Variants in PRIM2 observed in about 807,000 individuals in gnomAD.
The protein encoded by PRIM2 is DNA primase subunit 2.
Under a neutral mutation model 67.3 loss-of-function variants are expected in PRIM2, and 39 were observed. The ratio of observed to expected loss-of-function variants is 0.58; its 90% CI spans 0.45 to 0.76. The LOEUF is 0.76. PRIM2 is among the 30% of genes least tolerant of loss of function. The probability of loss-of-function intolerance (pLI) is 0.00; values close to 1 mark genes in which losing one functional copy is unlikely to be tolerated. For synonymous variants in PRIM2, 143 were observed against 198.7 expected, an observed-to-expected ratio of 0.72 and a Z score of 2.36; for missense variants, 398 against 598.7, an observed-to-expected ratio of 0.66 and a Z score of 3.50.
intron 7 of PRIM2, among the ~76,000 whole-genome samples, chr6:57,392,123 C>G (rs1770372350): frequency 6.6e-6 from 1 of 151,972 alleles, no homozygotes. Context: ...GTATTTTATT[C>G]TTTTTGTGGC....
At chr6:57,618,615 A>G (rs1165219341) in intron 12 of PRIM2, among the ~76,000 whole-genome samples, 5 of 152,132 alleles carry the variant, frequency 3.3e-5, no homozygotes, top group East Asian at 1.9e-4. Flanking sequence ...CCAGCCCTTC[A>G]GTTTGCATGG....
intron 7 of PRIM2, among the ~76,000 whole-genome samples, chr6:57,435,743 A>G (rs917414682): frequency 2.6e-5 from 4 of 152,214 alleles, no homozygotes; most frequent in Admixed American, 6.5e-5. Context: ...AAAGATAAAC[A>G]TAACCAGACA....
chr6:57,477,624 T>C (rs1349490941), intron 7 of PRIM2, among the ~76,000 whole-genome samples: 1 of 152,216 alleles, frequency 6.6e-6, no homozygotes, highest in African/African-American at 2.4e-5. Flanking sequence ...AGCTAAATAC[T>C]ACTATTGTTA....
intron 13 of PRIM2, among the ~76,000 whole-genome samples, chr6:57,641,571 G>A (rs1353131506): frequency 6.6e-6 from 1 of 152,124 alleles, no homozygotes; most frequent in Non-Finnish European, 1.5e-5. Flanking sequence ...AGTGGGCCTA[G>A]GATATGAACA....
chr6:57,273,747 T>A, the PRIM2 span, among the ~76,000 whole-genome samples: 1 of 152,306 alleles, frequency 6.6e-6, no homozygotes, highest in East Asian at 1.9e-4. Context: ...TTTTTCCCCA[T>A]CTTTTTGGTT....
chr6:57,236,750 C>A, the PRIM2 span, among the ~76,000 whole-genome samples: 1 of 152,060 alleles, frequency 6.6e-6, no homozygotes, highest in East Asian at 1.9e-4. Flanking sequence ...TGAACTCATC[C>A]TTTTTTATGG....
chr6:57,233,498 T>A, the PRIM2 span, among the ~76,000 whole-genome samples: 1 of 152,172 alleles, frequency 6.6e-6, no homozygotes, highest in Non-Finnish European at 1.5e-5. Flanking sequence ...ATGCGTAAAA[T>A]GATCACTAAA....
chr6:57,354,864 T>C (rs1259426312), intron 5 of PRIM2, among the ~76,000 whole-genome samples: 3 of 152,266 alleles, frequency 2.0e-5, no homozygotes, highest in Non-Finnish European at 4.4e-5. Flanking sequence ...TTTATTGAGC[T>C]TATTAGATTC....
At chr6:57,292,272 T>C in the PRIM2 span, among the ~76,000 whole-genome samples, 1 of 152,046 alleles carries the variant, frequency 6.6e-6, no homozygotes. Flanking sequence ...TAAAATATCT[T>C]GGAATACAAC....
chr6:57,373,129 T>C (rs1425085868), intron 5 of PRIM2, among the ~76,000 whole-genome samples: 2 of 152,084 alleles, frequency 1.3e-5, no homozygotes, highest in African/African-American at 4.8e-5. Flanking sequence ...CATCTGTTGT[T>C]TTTTGACTTT....
the PRIM2 span, among the ~76,000 whole-genome samples, chr6:57,273,985 G>C: frequency 0.049 from 7,433 of 152,200 alleles, 384 homozygotes; most frequent in African/African-American, 0.13. Flanking sequence ...CATTCCTTTG[G>C]AAATTTTGTC....
rs1488775259 is a variant in PRIM2 at position 57,474,458 on chromosome 6, G to A, written c.694-32929G>A. Among the ~76,000 whole-genome samples the A allele has an allele frequency of 1.3e-3, 191 of 152,192 alleles. 5 individuals carry two copies. In the East Asian group the frequency reaches 0.016, roughly 13 times the overall value. ...CAAAGTGCTGGGATTACAGGCGTGA[G>A]CCACCGCGCCCAGCTTACTCTGCTA... is the stretch of plus-strand genomic sequence containing the variant. On this transcript the variant is annotated intron_variant, in intron 7 of 13. Transcript: ENST00000615550.
the PRIM2 span, among the ~76,000 whole-genome samples, chr6:57,233,126 A>G: frequency 6.6e-6 from 1 of 152,164 alleles, no homozygotes; most frequent in Non-Finnish European, 1.5e-5. Context: ...CCTAGTTTGC[A>G]TTTATGTTTT....
the PRIM2 span, among the ~76,000 whole-genome samples, chr6:57,307,305 G>C: frequency 6.6e-6 from 1 of 151,146 alleles, no homozygotes; most frequent in African/African-American, 2.4e-5. Context: ...CCAGGCTGGA[G>C]TGCAGTGGCA....
At chr6:57,390,157 G>T (rs2894842) in intron 7 of PRIM2, 1 of 154,680 alleles carries the variant, frequency 6.5e-6, no homozygotes. Flanking sequence ...AAGTAATGTG[G>T]TTTTTTTCTT....
chr6:57,280,938 C>G, the PRIM2 span, among the ~76,000 whole-genome samples: 1 of 152,016 alleles, frequency 6.6e-6, no homozygotes, highest in Admixed American at 6.6e-5. Flanking sequence ...CCCTTTATCT[C>G]TCTCTTCCCC....
At chr6:57,296,114 G>A in the PRIM2 span, among the ~76,000 whole-genome samples, 1 of 152,070 alleles carries the variant, frequency 6.6e-6, no homozygotes, top group Non-Finnish European at 1.5e-5. Context: ...AATAACAACC[G>A]CACTGAAGGG....
At chr6:57,422,592 T>A (rs964859952) in intron 7 of PRIM2, among the ~76,000 whole-genome samples, 5 of 151,378 alleles carry the variant, frequency 3.3e-5, no homozygotes, top group Non-Finnish European at 3.0e-5. Context: ...AAATTTAGAA[T>A]TTTACTTAGA....
chr6:57,416,268 C>T (rs530029031), intron 7 of PRIM2, among the ~76,000 whole-genome samples: 1 of 152,266 alleles, frequency 6.6e-6, no homozygotes, highest in East Asian at 1.9e-4. Context: ...CTTCAGTGAC[C>T]AGGTGCATTG....
Sources: allele counts gnomAD v4.1 joint callset (sites outside exome capture counted in the v4.1 genomes callset), GRCh38; gene constraint gnomAD v4.1.1; transcripts MANE v1.5; gene names NCBI Gene and HGNC (gene_info 2026-07-23, HGNC 2026-07-21).